Variants in CSDE1 observed in about 807,000 individuals in gnomAD.
The protein encoded by CSDE1 is cold shock domain-containing protein E1.
Under a neutral mutation model 89.3 loss-of-function variants are expected in CSDE1, and 17 were observed. The observed-to-expected ratio is 0.19, with a 90% CI of 0.13 to 0.29. The LOEUF (loss-of-function observed/expected upper bound fraction) is 0.29. Among genes scored for constraint, CSDE1 ranks in the 10% least tolerant of loss-of-function variants. CSDE1 has a pLI of 1.00. For missense variants in CSDE1, 672 were observed against 984.2 expected (o/e 0.68, Z 4.24); for synonymous variants, 322 against 332.8 (o/e 0.97, Z 0.35).
intron 1 of CSDE1, among the ~76,000 whole-genome samples, chr1:114,755,350 C>G (rs1422085122): frequency 6.6e-6 from 1 of 152,138 alleles, no homozygotes; most frequent in Non-Finnish European, 1.5e-5. Context: ...AGCATAGAAG[C>G]TTGTTGTTAA....
At chr1:114,723,148 C>T (rs1029489577) in intron 16 of CSDE1, among the ~76,000 whole-genome samples, 6 of 152,168 alleles carry the variant, frequency 3.9e-5, no homozygotes, top group African/African-American at 1.2e-4. Flanking sequence ...TGAACCACCA[C>T]GCCCGGCCTA....
chr1:114,747,233 T>C (rs1011954800), intron 2 of CSDE1, among the ~76,000 whole-genome samples: 7 of 152,196 alleles, frequency 4.6e-5, no homozygotes, highest in Admixed American at 1.3e-4. Flanking sequence ...TTGTTCCTAA[T>C]TACGTACTAT....
chr1:114,736,490 C>G (rs935932360), intron 6 of CSDE1, among the ~76,000 whole-genome samples: 3 of 152,134 alleles, frequency 2.0e-5, no homozygotes, highest in Middle Eastern at 3.2e-3. Context: ...AAACTTACCT[C>G]AAAGCACTAT....
intron 16 of CSDE1, among the ~76,000 whole-genome samples, chr1:114,722,978 C>T (rs918109028): frequency 6.6e-6 from 1 of 152,172 alleles, no homozygotes; most frequent in Non-Finnish European, 1.5e-5. Context: ...ACTTTATTCT[C>T]TTTGTAAACC....
intron 18 of CSDE1, among the ~76,000 whole-genome samples, chr1:114,719,314 C>T (rs932600503): frequency 1.3e-5 from 2 of 151,954 alleles, no homozygotes; most frequent in African/African-American, 4.8e-5. Flanking sequence ...GGAAGCAAAG[C>T]GGCATTATGA....
At chr1:114,724,533 C>T (rs1659694990) in intron 15 of CSDE1, among the ~76,000 whole-genome samples, 1 of 152,176 alleles carries the variant, frequency 6.6e-6, no homozygotes, top group Non-Finnish European at 1.5e-5. Flanking sequence ...ACATAACACA[C>T]ACTTAAGAGT....
In CSDE1 at chr1:114,727,827, TAA is replaced by T. The variant is rs547813802; in HGVS notation, c.1357-739_1357-738del. 223 of 152,184 alleles carry T rather than the reference TAA, an allele frequency of 1.5e-3. 2 individuals carry two copies. Among genetic ancestry groups the T allele is most frequent in the African/African-American group, 5.1e-3 (211 of 41,522 alleles). The allele number at this position is 152,184 out of a possible 1,614,324, so 9.4% of individuals were successfully genotyped here. A position where few individuals can be genotyped will look rare whatever the true frequency, so the allele number is the denominator to read the frequency against. ...TCACTACTGCACTTGACTAAAAAAA[TAA>T]AAGTCTAAGAAAGTTCAGGTGTGTC... On this transcript the variant is annotated intron_variant, in intron 12 of 19. Transcript: ENST00000358528.
chr1:114,753,721 T>C (rs376547496), intron 1 of CSDE1, among the ~76,000 whole-genome samples: 48 of 152,240 alleles, frequency 3.2e-4, no homozygotes, highest in Admixed American at 7.2e-4. Context: ...CTGGGCAACA[T>C]GGTGAGATGC....
chr1:114,733,883 TG>T, intron 8 of CSDE1, 26 bp from the exon 9 acceptor site: 3 of 1,612,192 alleles, frequency 1.9e-6, no homozygotes, highest in Admixed American at 1.7e-5. Context: ...TTGGAGGTGG[TG>T]GGGGGACAGA....
At chr1:114,745,337 T>C (rs555083425) in intron 2 of CSDE1, among the ~76,000 whole-genome samples, 1 of 152,364 alleles carries the variant, frequency 6.6e-6, no homozygotes, top group African/African-American at 2.4e-5. Flanking sequence ...TAACACACTT[T>C]ATAGCTCAAG....
chr1:114,753,170 A>T (rs74113597), intron 1 of CSDE1, among the ~76,000 whole-genome samples: 3,297 of 152,296 alleles, frequency 0.022, 73 homozygotes, highest in South Asian at 0.091. Flanking sequence ...AGAACTCAAC[A>T]TGGAGAAAAC....
At chr1:114,750,694 G>A (rs1196526866) in intron 1 of CSDE1, among the ~76,000 whole-genome samples, 1 of 152,096 alleles carries the variant, frequency 6.6e-6, no homozygotes, top group Non-Finnish European at 1.5e-5. Flanking sequence ...ATTATTTATT[G>A]TTTATCCACA....
chr1:114,738,137 G>C (rs1342454695), intron 3 of CSDE1, 65 bp from the exon 4 acceptor site: 12 of 1,213,144 alleles, frequency 9.9e-6, no homozygotes, highest in Non-Finnish European at 1.5e-5. Flanking sequence ...TTGCTTCCAA[G>C]CTATACTTAA....
At chr1:114,733,457 C>T (rs546938259) in intron 9 of CSDE1, among the ~76,000 whole-genome samples, 9 of 147,228 alleles carry the variant, frequency 6.1e-5, no homozygotes, top group Non-Finnish European at 1.0e-4. Context: ...ACCCGGGAGG[C>T]GGAGGTTGCA....
chr1:114,723,828 G>A, intron 16 of CSDE1, 55 bp downstream of exon 16: 1 of 1,610,172 alleles, frequency 6.2e-7, no homozygotes. Context: ...AACTTTATAG[G>A]TGCTCATCTG....
chr1:114,736,999 CATATAA>C (rs1385139486), intron 5 of CSDE1, 144 bp from the exon 6 acceptor site: 6 of 603,536 alleles, frequency 9.9e-6, no homozygotes, highest in Non-Finnish European at 1.8e-5. Context: ...TCACTTTATT[CATATAA>C]ACACACACTT....
intron 18 of CSDE1, chr1:114,718,984 A>G: frequency 2.0e-6 from 1 of 499,880 alleles, no homozygotes; most frequent in Non-Finnish European, 3.6e-6. Flanking sequence ...CTAGACTTGA[A>G]TGCAATCAAG....
At chr1:114,731,733 C>T (rs902865937) in intron 10 of CSDE1, among the ~76,000 whole-genome samples, 1 of 152,198 alleles carries the variant, frequency 6.6e-6, no homozygotes, top group Non-Finnish European at 1.5e-5. Context: ...TAATTGCAAG[C>T]TTGTCCAAAC....
chr1:114,739,636 G>T (rs879246463), intron 3 of CSDE1, 56 bp downstream of exon 3: 2 of 1,455,474 alleles, frequency 1.4e-6, no homozygotes, highest in Non-Finnish European at 1.9e-6. Context: ...TGAACAAATT[G>T]ATATGCAAGA....
Sources: allele counts gnomAD v4.1 joint callset (sites outside exome capture counted in the v4.1 genomes callset), GRCh38; gene constraint gnomAD v4.1.1; transcripts MANE v1.5; gene names NCBI Gene and HGNC (gene_info 2026-07-23, HGNC 2026-07-21).